TEK: variants seen among roughly 807,000 people sequenced by gnomAD.
The protein encoded by TEK is angiopoietin-1 receptor.
TEK carries 43 observed loss-of-function variants against 131.8 expected under a neutral mutation model. The observed-to-expected ratio is 0.33, with a 90% CI of 0.26 to 0.42. The LOEUF is 0.42. Among genes scored for constraint, TEK ranks in the 10% least tolerant of loss-of-function variants. The probability of loss-of-function intolerance (pLI) is 1.00; values close to 1 mark genes in which losing one functional copy is unlikely to be tolerated. For missense variants in TEK, 1,162 were observed against 1,384.4 expected (o/e 0.84, Z 2.55); for synonymous variants, 580 against 491.6 (o/e 1.18, Z -2.38).
At chr9:27,118,333 A>G (rs1055620009) in intron 1 of TEK, among the ~76,000 whole-genome samples, 5 of 152,158 alleles carry the variant, frequency 3.3e-5, no homozygotes, top group African/African-American at 1.2e-4. Flanking sequence ...GACATGTCCA[A>G]GGTTAAAATG....
chr9:27,213,431 A>C, intron 17 of TEK, 53 bp from the exon 18 acceptor site: 1 of 1,363,298 alleles, frequency 7.3e-7, no homozygotes, highest in Non-Finnish European at 1.0e-6. Context: ...CAAAGTTTTC[A>C]GCCCTGGGGC....
chr9:27,209,050 G>T (rs1333533991), intron 15 of TEK, 71 bp from the exon 16 acceptor site: 3 of 1,013,430 alleles, frequency 3.0e-6, no homozygotes, highest in Non-Finnish European at 3.1e-6. Context: ...GGTTCTTAGG[G>T]GGCAGGACGG....
At position 27,122,268 on chromosome 9, in the gene TEK, C is replaced by T. The variant is rs564355718; in HGVS notation, c.52+12626C>T. Among the ~76,000 whole-genome samples the T allele has an allele frequency of 5.9e-5, 9 of 152,174 alleles. No homozygotes were observed. The East Asian group carries it at 1.2e-3, about 20-fold the overall frequency. ...GTGAGAAACCCTGCCCTAATAAAGG[C>T]AGATGGAAACATGGAAACTGGAGTG... On this transcript the variant is annotated intron_variant, in intron 1 of 22. Coordinates refer to ENST00000380036, the MANE Select transcript of TEK (RefSeq NM_000459.5).
At chr9:27,176,805 G>A (rs979344800) in intron 6 of TEK, among the ~76,000 whole-genome samples, 13 of 152,200 alleles carry the variant, frequency 8.5e-5, no homozygotes, top group African/African-American at 2.7e-4. Flanking sequence ...ATCCTACTGT[G>A]TAATTAAAAG....
chr9:27,176,921 T>C (rs1044298314), intron 6 of TEK, among the ~76,000 whole-genome samples: 3 of 152,238 alleles, frequency 2.0e-5, no homozygotes, highest in South Asian at 4.1e-4. Flanking sequence ...ATTCCACTTA[T>C]AGAAGAGATC....
At chr9:27,190,104 A>T (rs1217694268) in intron 9 of TEK, among the ~76,000 whole-genome samples, 1 of 152,114 alleles carries the variant, frequency 6.6e-6, no homozygotes, top group African/African-American at 2.4e-5. Context: ...CAGAAGAGAG[A>T]CATCCACAAT....
intron 1 of TEK, among the ~76,000 whole-genome samples, chr9:27,131,778 G>A (rs1037530367): frequency 1.3e-4 from 20 of 151,854 alleles, no homozygotes; most frequent in Non-Finnish European, 2.2e-4. Flanking sequence ...CTGCACTCCC[G>A]ACTGGGTGAC....
intron 21 of TEK, among the ~76,000 whole-genome samples, chr9:27,221,032 C>T (rs1411044151): frequency 6.6e-6 from 1 of 152,192 alleles, no homozygotes; most frequent in Non-Finnish European, 1.5e-5. Context: ...ATTCTCGCTG[C>T]AAGCACAGCA....
intron 21 of TEK, among the ~76,000 whole-genome samples, chr9:27,224,706 A>T (rs1207124157): frequency 1.3e-5 from 2 of 152,212 alleles, no homozygotes; most frequent in Non-Finnish European, 2.9e-5. Context: ...TAAGACAAGG[A>T]TGCCCTCTCT....
intron 12 of TEK, among the ~76,000 whole-genome samples, chr9:27,198,996 C>T (rs571981712): frequency 2.6e-5 from 4 of 152,014 alleles, no homozygotes; most frequent in African/African-American, 9.6e-5. Context: ...GATGGGATCT[C>T]CCTATGTTGC....
chr9:27,198,182 T>A (rs2131198571), intron 12 of TEK: 1 of 163,628 alleles, frequency 6.1e-6, no homozygotes, highest in South Asian at 1.5e-4. Context: ...AAGCAGAGAG[T>A]TTTATTTTGA....
chr9:27,175,208 A>C (rs1448280802), intron 6 of TEK, among the ~76,000 whole-genome samples: 2 of 142,976 alleles, frequency 1.4e-5, no homozygotes, highest in Admixed American at 7.3e-5. Context: ...TCACTGTTCA[A>C]TTCCCATCTA....
At chr9:27,175,301 T>C (rs1027990806) in intron 6 of TEK, among the ~76,000 whole-genome samples, 1 of 151,212 alleles carries the variant, frequency 6.6e-6, no homozygotes, top group Non-Finnish European at 1.5e-5. Flanking sequence ...TCCATGTCCC[T>C]ACAAAGGACA....
At chr9:27,196,322 G>C (rs1825007900) in intron 11 of TEK, among the ~76,000 whole-genome samples, 1 of 152,134 alleles carries the variant, frequency 6.6e-6, no homozygotes, top group Non-Finnish European at 1.5e-5. Context: ...CCTATTTTGA[G>C]TGTTTAGGTT....
chr9:27,172,448 T>C (rs78864862), intron 4 of TEK, among the ~76,000 whole-genome samples, 168 bp from the exon 5 acceptor site: 1,560 of 152,356 alleles, frequency 0.01, 35 homozygotes, highest in African/African-American at 0.036. Flanking sequence ...GATTTCCTGT[T>C]TACATGTCTG....
At position 27,109,815 on chromosome 9, in the gene TEK, GCT is replaced by G. The variant is rs142269324; in HGVS notation, c.52+176_52+177del. On this transcript the variant is annotated intron_variant, in intron 1 of 22. Coordinates refer to ENST00000380036, the MANE Select transcript of TEK (RefSeq NM_000459.5). ...TGTGTGGAAGGATTGAAATGCAAAG[GCT>G]CTGTGGCATGAACTGATTTTGCTAG... 3.9e-3 allele frequency among the ~76,000 whole-genome samples: 592 copies of G among 152,240 alleles called. 4 individuals are homozygous for G. Among genetic ancestry groups the G allele is most frequent in the African/African-American group, 0.014 (572 of 41,536 alleles).
chr9:27,228,224 A>G lies in TEK; in HGVS notation c.3219A>G (p.Gln1073=), dbSNP rs149296103. 5 of 1,612,906 alleles carry G rather than the reference A, an allele frequency of 3.1e-6. No individual in the cohort carries two copies. The highest frequency in any genetic ancestry group is 4.5e-5 in the East Asian group (2 of 44,858). The change falls in exon 22 of 23, where the codon CAA becomes CAG. Residue 1073 remains glutamine (Q), a synonymous_variant. Transcript: ENST00000380036. Reference sequence around the variant, plus strand: ...TTCGAAGGTATGATCTAATGAGACAATGCTGGCGGGAGAAGCCTTATGAGA... The same window carrying G: ...TTCGAAGGTATGATCTAATGAGACAGTGCTGGCGGGAGAAGCCTTATGAGA... ...CDDEVYDLMR[Q]CWREKPYERP... is the part of the protein sequence containing the mutation.
chr9:27,220,486 ATT>A (rs1444585784), intron 21 of TEK, among the ~76,000 whole-genome samples: 27 of 3,850 alleles, frequency 7.0e-3, no homozygotes, highest in African/African-American at 0.052. Context: ...ATTAAGATTA[ATT>A]AAGAAGGATA....
chr9:27,164,596 G>A (rs998566425), intron 2 of TEK, among the ~76,000 whole-genome samples: 2 of 152,150 alleles, frequency 1.3e-5, no homozygotes, highest in Middle Eastern at 3.2e-3. Flanking sequence ...TGGGATTACA[G>A]GCGTGAGCAA....
Sources: gnomAD v4.1 joint callset for allele counts (sites outside exome capture counted in the v4.1 genomes callset) on GRCh38, gnomAD v4.1.1 for gene constraint, MANE v1.5 for transcripts, NCBI Gene and HGNC (gene_info 2026-07-23, HGNC 2026-07-21) for gene names.